The following ENO1 variants were observed in gnomAD, a reference collection of about 807,000 sequenced individuals.
ENO1 encodes the protein enolase 1.
Under a neutral mutation model 46.3 loss-of-function variants are expected in ENO1, and 33 were observed. The observed-to-expected ratio is 0.71, with a 90% CI of 0.54 to 0.95. ENO1 has a LOEUF of 0.95. Among genes scored for constraint, ENO1 ranks in the 40% least tolerant of loss-of-function variants. The pLI is 0.00. For missense variants in ENO1, 488 were observed against 553.3 expected, an observed-to-expected ratio of 0.88 and a Z score of 1.18; for synonymous variants, 220 against 216.0, an observed-to-expected ratio of 1.02 and a Z score of -0.16.
At chr1:8,861,830 GAGTGAC>G (rs1042316680) in intron 11 of ENO1, among the ~76,000 whole-genome samples, 3 of 144,368 alleles carry the variant, frequency 2.1e-5, no homozygotes, top group Admixed American at 7.2e-5. Context: ...GAGAAAAGGA[GAGTGAC>G]CTTATTAAAA....
At chr1:8,864,497 G>T (rs953981084) in intron 8 of ENO1, among the ~76,000 whole-genome samples, 1 of 152,076 alleles carries the variant, frequency 6.6e-6, no homozygotes, top group Non-Finnish European at 1.5e-5. Context: ...TGTAGCAATG[G>T]AGTCTTGCTA....
chr1:8,863,289 C>G lies in ENO1; in HGVS notation c.1122G>C (p.Gly374=). ...GWGVMVSHRS[G]ETEDTFIADL... is the part of the protein sequence containing the mutation. ...CAGCGATGAAGGTATCTTCAGTCTC[C>G]CCCGAACGATGAGACACCATGACGC... Residue 374 remains glycine, a synonymous_variant, in exon 10 of 12, where the codon GGG becomes GGC. Transcript: ENST00000234590. The G allele has an allele frequency of 6.2e-7, 1 of 1,614,166 alleles. No individual in the cohort carries two copies. The highest frequency in any genetic ancestry group is 1.1e-5 in the South Asian group (1 of 91,076).
rs1428235737 is a variant in ENO1 at position 8,867,271 on chromosome 1, G to A, written c.311-21C>T. 2.5e-6 allele frequency: 4 copies of A among 1,612,408 alleles called. No homozygotes were observed. The African/African-American group carries it at 4.0e-5, about 16-fold the overall frequency. ...CTTAGCTAGAACAGAAGAGAACCGA[G>A]TGGAATGAAGTCATTTCTGATTCAC... On this transcript the variant is annotated intron_variant, in intron 5 of 11. Transcript: ENST00000234590.
At chr1:8,866,659 C>T in intron 6 of ENO1, 158 bp from the exon 7 acceptor site, 1 of 711,176 alleles carries the variant, frequency 1.4e-6, no homozygotes, top group Non-Finnish European at 2.3e-6. Flanking sequence ...GAAATGCTCA[C>T]CAGGTCTCTG....
chr1:8,866,530 C>A, intron 6 of ENO1, 29 bp from the exon 7 acceptor site: 1 of 1,612,750 alleles, frequency 6.2e-7, no homozygotes, highest in Non-Finnish European at 8.5e-7. Context: ...AGAAGCATGG[C>A]ACTGGGTCCA....
chr1:8,878,459 C>A (rs1401124099), intron 1 of ENO1, 121 bp downstream of exon 1: 2 of 365,102 alleles, frequency 5.5e-6, no homozygotes, highest in Admixed American at 6.7e-5. Flanking sequence ...CTTGCACGTG[C>A]CCCCGACCCC....
At chr1:8,863,628 T>A (rs1642449494) in intron 9 of ENO1, among the ~76,000 whole-genome samples, 1 of 152,322 alleles carries the variant, frequency 6.6e-6, no homozygotes, top group South Asian at 2.1e-4. Context: ...CTTCACAGAA[T>A]ACAACTACTT....
In ENO1 at chr1:8,867,158, C is replaced by A. The variant is rs761970983; in HGVS notation, c.403G>T (p.Ala135Ser). 8.1e-6 allele frequency: 13 copies of A among 1,613,958 alleles called. No individual in the cohort carries two copies. The highest frequency in any genetic ancestry group is 2.2e-5 in the South Asian group (2 of 91,072). Reference sequence around the variant, plus strand: ...ACTTCAGAGTTGCCAGCCAAGTCAGCGATGTGGCGGTACAGGGGGACCCCC... The same window carrying A: ...ACTTCAGAGTTGCCAGCCAAGTCAGAGATGTGGCGGTACAGGGGGACCCCC... ...EKGVPLYRHI[A>S]DLAGNSEVIL... Residue 135 changes from alanine (A) to serine (S), a missense_variant, in exon 6 of 12, where the codon GCT (alanine) becomes TCT (serine). Transcript: ENST00000234590.
chr1:8,864,441 T>C (rs958327031), intron 8 of ENO1, among the ~76,000 whole-genome samples: 1 of 152,202 alleles, frequency 6.6e-6, no homozygotes, highest in Non-Finnish European at 1.5e-5. Flanking sequence ...GCTGGGACTA[T>C]AGGGGTATGC....
chr1:8,871,587 G>C, intron 3 of ENO1: 1 of 1,161,398 alleles, frequency 8.6e-7, no homozygotes, highest in Non-Finnish European at 1.1e-6. Context: ...AACAGGCCCT[G>C]TTCTCATGCT....
intron 3 of ENO1, chr1:8,871,525 T>G: frequency 9.6e-7 from 1 of 1,043,750 alleles, no homozygotes; most frequent in South Asian, 3.5e-5. Flanking sequence ...GCTGATGATC[T>G]CTGGAGGGCC....
Position 8,865,343 on chromosome 1 carries a change from C to T in ENO1, c.807G>A (p.Arg269=), listed in dbSNP as rs1266627878. Residue 269 remains arginine, a synonymous_variant, in exon 8 of 12, where the codon AGG becomes AGA. Coordinates refer to ENST00000234590, the MANE Select transcript of ENO1 (RefSeq NM_001428.5). ...CAGCCAGCTGGTCAGGCGAGATGTACCTGCTGGGGTCATCGGGAGACTTGA... is the reference window on the plus strand; with the variant it reads ...CAGCCAGCTGGTCAGGCGAGATGTATCTGCTGGGGTCATCGGGAGACTTGA... The part of the protein sequence containing the change: ...LDFKSPDDPS[R]YISPDQLADL... 1.4e-5 allele frequency: 22 copies of T among 1,614,180 alleles called. No homozygotes were observed. Among genetic ancestry groups the T allele is most frequent in the Non-Finnish European group, 1.9e-5 (22 of 1,180,032 alleles).
chr1:8,866,514 G>A lies in ENO1; in HGVS notation c.445-13C>T. On this transcript the variant is annotated splice_polypyrimidine_tract_variant and intron_variant, in intron 6 of 11. Transcript: ENST00000234590. Reference sequence around the variant, plus strand: ...TGACATTGAACGCCTGGGGAGAGCAGAGCAGAGAAGCATGGCACTGGGTCC... The same window carrying A: ...TGACATTGAACGCCTGGGGAGAGCAAAGCAGAGAAGCATGGCACTGGGTCC... 6.2e-7 allele frequency: 1 copy of A among 1,614,034 alleles called. No homozygotes were observed. The highest frequency in any genetic ancestry group is 1.1e-5 in the South Asian group (1 of 91,082).
intron 7 of ENO1, 103 bp downstream of exon 7, chr1:8,866,176 G>A: frequency 3.0e-6 from 3 of 989,012 alleles, no homozygotes; most frequent in Admixed American, 2.0e-5. Flanking sequence ...CAAACTACAG[G>A]TGGAAAGAAT....
intron 7 of ENO1, 40 bp from the exon 8 acceptor site, chr1:8,865,522 G>T: frequency 6.2e-7 from 1 of 1,603,802 alleles, no homozygotes; most frequent in South Asian, 1.1e-5. Flanking sequence ...AAAACAGGTA[G>T]GTACAGAGAA....
intron 2 of ENO1, among the ~76,000 whole-genome samples, chr1:8,873,513 G>A (rs1642673410): frequency 1.3e-5 from 2 of 152,302 alleles, no homozygotes; most frequent in Admixed American, 1.3e-4. Context: ...TAATATCCAA[G>A]TAGAAAGTTC....
At chr1:8,862,807 G>A (rs967830304) in intron 11 of ENO1, 80 bp downstream of exon 11, 3 of 1,498,210 alleles carry the variant, frequency 2.0e-6, no homozygotes, top group African/African-American at 1.4e-5. Flanking sequence ...AGGAGCTCCT[G>A]GGGGAGGGCA....
intron 7 of ENO1, 138 bp downstream of exon 7, chr1:8,866,141 A>G (rs1642508716): frequency 2.8e-6 from 2 of 702,370 alleles, no homozygotes; most frequent in Admixed American, 5.8e-5. Context: ...CCTCCTTAAA[A>G]CCGTTTGAAG....
intron 4 of ENO1, 31 bp from the exon 5 acceptor site, chr1:8,868,088 G>A (rs1462688328): frequency 6.5e-7 from 1 of 1,535,032 alleles, no homozygotes; most frequent in African/African-American, 1.4e-5. Flanking sequence ...TGAGGGGTTG[G>A]GGCCACTCTT....
Sources: allele counts gnomAD v4.1 joint callset (sites outside exome capture counted in the v4.1 genomes callset), GRCh38; gene constraint gnomAD v4.1.1; transcripts MANE v1.5; gene names NCBI Gene and HGNC (gene_info 2026-07-23, HGNC 2026-07-21).